The following INO80C variants were observed in gnomAD, a reference collection of about 807,000 sequenced individuals.
The protein encoded by INO80C is IES6 homolog.
Under a neutral mutation model 17.7 loss-of-function variants are expected in INO80C, and 17 were observed. That is an observed-to-expected ratio of 0.96 (90% confidence interval 0.66 to 1.44). INO80C has a LOEUF of 1.44. Among genes scored for constraint, INO80C ranks in the 40% most tolerant of loss-of-function variants. The pLI is 0.00. For synonymous variants in INO80C, 96 were observed against 95.8 expected (o/e 1.00, Z -0.01); for missense variants, 244 against 245.0 (o/e 1.00, Z 0.03).
Position 35,480,482 on chromosome 18 carries a change from G to A in INO80C, c.238C>T (p.Pro80Ser). The change falls in exon 2 of 5, where the codon CCT becomes TCT. Residue 80 changes from proline to serine, a missense_variant. Transcript: ENST00000334598. Reference sequence around the variant, plus strand: ...AAGTTGGGATCCTTAAATGGCAAAGGTTTGGCAGCTTTTTCCACAGGTCCT... The same window carrying A: ...AAGTTGGGATCCTTAAATGGCAAAGATTTGGCAGCTTTTTCCACAGGTCCT... ...STGPVEKAAK[P>S]LPFKDPNFVH... 1 of 1,613,876 alleles carries A rather than the reference G, an allele frequency of 6.2e-7. No individual in the cohort carries two copies. The highest frequency in any genetic ancestry group is 8.5e-7 in the Non-Finnish European group (1 of 1,179,736).
Position 35,497,906 on chromosome 18 carries a change from C to T in INO80C, c.-32G>A. On this transcript the variant is annotated 5_prime_UTR_variant, in exon 1 of 5. Coordinates refer to ENST00000334598, the MANE Select transcript of INO80C (RefSeq NM_194281.4). ...CCGAGTCTTCCCCTGGTCCCCCCAC[C>T]TTTTTCCCAGCGCGGGCCTTGGAAC... is the stretch of plus-strand genomic sequence containing the variant. 4.0e-6 allele frequency: 6 copies of T among 1,500,920 alleles called. No homozygotes were observed. The highest frequency in any genetic ancestry group is 5.3e-6 in the Non-Finnish European group (6 of 1,124,314). 93.0% of individuals were successfully genotyped at this position (1,500,920 alleles called of 1,614,324 possible).
At chr18:35,471,576 T>C (rs1192789051) in intron 4 of INO80C, among the ~76,000 whole-genome samples, 1 of 152,238 alleles carries the variant, frequency 6.6e-6, no homozygotes, top group Non-Finnish European at 1.5e-5. Context: ...CATTTCTGCA[T>C]GAAGTTCTTT....
intron 1 of INO80C, chr18:35,483,459 A>C (rs1055082434): frequency 3.3e-5 from 5 of 152,330 alleles, no homozygotes; most frequent in African/African-American, 4.8e-5. Context: ...AGGGAACAAC[A>C]GATCAGAAGA....
Position 35,478,334 on chromosome 18 carries a change from G to T in INO80C, c.395C>A (p.Ala132Asp). The change falls in exon 4 of 5, where the codon GCT (alanine) becomes GAT (aspartate). Residue 132 changes from alanine (A) to aspartate (D), a missense_variant. Ala to Asp is a moderately radical substitution (Grantham distance 126). Transcript: ENST00000334598. ...CTTAGCTGGCTTAAAGGATGGAGGA[G>T]CATCAATACTGAAGTCTGGGAAAAA... ...LNDPNYFSID[A>D]PPSFKPAKKY... The T allele has an allele frequency of 6.3e-7, 1 of 1,586,886 alleles. No homozygotes were observed. Among genetic ancestry groups the T allele is most frequent in the Non-Finnish European group, 8.6e-7 (1 of 1,164,796 alleles).
intron 1 of INO80C, chr18:35,489,129 C>A: frequency 5.8e-6 from 1 of 171,382 alleles, no homozygotes; most frequent in Non-Finnish European, 1.2e-5. Flanking sequence ...ATTTTCCTGT[C>A]TTCTTCTGAG....
chr18:35,491,992 C>CCTGCT (rs2045937744), intron 1 of INO80C, among the ~76,000 whole-genome samples: 1 of 152,180 alleles, frequency 6.6e-6, no homozygotes, highest in African/African-American at 2.4e-5. Context: ...TGGGTCTCGC[C>CCTGCT]CTGCTCTGCT....
At chr18:35,483,850 G>C (rs1395635450) in intron 1 of INO80C, among the ~76,000 whole-genome samples, 3 of 152,164 alleles carry the variant, frequency 2.0e-5, no homozygotes, top group Non-Finnish European at 4.4e-5. Flanking sequence ...AAATAGAAGA[G>C]AGTAAATCTT....
intron 1 of INO80C, chr18:35,483,388 G>C (rs2045837131): frequency 6.6e-6 from 1 of 152,052 alleles, no homozygotes; most frequent in Non-Finnish European, 1.5e-5. Context: ...GTAACATCTA[G>C]TATATATTGT....
At position 35,468,555 on chromosome 18, in the gene INO80C, A is replaced by T. The variant is rs957549164; in HGVS notation, c.*56T>A. On this transcript the variant is annotated 3_prime_UTR_variant, in exon 5 of 5. Transcript: ENST00000334598. ...GAGTTTGTTTCCGTGAAACAAAATCATGAGTCCAGAGTCTGTTTTTGAAAC... is the reference window on the plus strand; with the variant it reads ...GAGTTTGTTTCCGTGAAACAAAATCTTGAGTCCAGAGTCTGTTTTTGAAAC... 1.1e-4 allele frequency: 172 copies of T among 1,607,100 alleles called. No individual in the cohort carries two copies. The African/African-American group carries it at 2.1e-3, about 20-fold the overall frequency.
chr18:35,493,948 T>A (rs143667829), intron 1 of INO80C, among the ~76,000 whole-genome samples: 1 of 152,314 alleles, frequency 6.6e-6, no homozygotes, highest in East Asian at 1.9e-4. Context: ...CAATCATTTA[T>A]AGAAAAACAC....
In INO80C at chr18:35,476,082, T is replaced by C. The variant is rs146114638; in HGVS notation, c.447+2200A>G. Reference sequence around the variant, plus strand: ...ATAGATTCAGGTTATTTAAAATGTATATTGTAAACATGAAAGTAACCATTC... The same window carrying C: ...ATAGATTCAGGTTATTTAAAATGTACATTGTAAACATGAAAGTAACCATTC... On this transcript the variant is annotated intron_variant, in intron 4 of 4. Coordinates refer to ENST00000334598, the MANE Select transcript of INO80C (RefSeq NM_194281.4). Among the ~76,000 whole-genome samples, 391 of 152,360 alleles carry C rather than the reference T, an allele frequency of 2.6e-3. 1 individual carries two copies. Among genetic ancestry groups the C allele is most frequent in the African/African-American group, 8.7e-3 (363 of 41,586 alleles).
chr18:35,485,228 C>T (rs1555637534), intron 1 of INO80C, among the ~76,000 whole-genome samples: 1 of 152,028 alleles, frequency 6.6e-6, no homozygotes, highest in Non-Finnish European at 1.5e-5. Context: ...TCCATAACAG[C>T]ACCCAAAAAA....
intron 1 of INO80C, among the ~76,000 whole-genome samples, chr18:35,492,919 G>A (rs913680690): frequency 6.6e-6 from 1 of 152,194 alleles, no homozygotes; most frequent in African/African-American, 2.4e-5. Flanking sequence ...CAGTAAAACT[G>A]TTGCCAAAAG....
chr18:35,497,655 G>C, intron 1 of INO80C, 64 bp downstream of exon 1: 1 of 1,552,142 alleles, frequency 6.4e-7, no homozygotes, highest in East Asian at 2.4e-5. Flanking sequence ...GCCCTGGCTC[G>C]GCTCCGCCCC....
At position 35,478,268 on chromosome 18, in the gene INO80C, A is replaced by C; in HGVS notation, c.447+14T>G. On this transcript the variant is annotated intron_variant, in intron 4 of 4. Transcript: ENST00000334598. ...TTTTCCATTTAATGTTATAAGAGAT[A>C]TAATCATACTCACAAGCAGACCTGA... 1 of 1,551,862 alleles carries C rather than the reference A, an allele frequency of 6.4e-7. No individual in the cohort carries two copies. The highest frequency in any genetic ancestry group is 2.2e-5 in the East Asian group (1 of 44,538).
intron 1 of INO80C, chr18:35,497,511 C>A: frequency 7.3e-7 from 1 of 1,371,540 alleles, no homozygotes; most frequent in Non-Finnish European, 9.4e-7. Context: ...CCTACTTCTT[C>A]TTCTCTCCTT....
chr18:35,475,733 T>A (rs1314442470), intron 4 of INO80C, among the ~76,000 whole-genome samples: 1 of 151,836 alleles, frequency 6.6e-6, no homozygotes, highest in East Asian at 1.9e-4. Flanking sequence ...AGAAAGGACT[T>A]CGTTAGTAGC....
intron 1 of INO80C, among the ~76,000 whole-genome samples, chr18:35,490,621 C>T (rs927304010): frequency 1.3e-5 from 2 of 152,212 alleles, no homozygotes; most frequent in African/African-American, 4.8e-5. Flanking sequence ...AGGGAAAATG[C>T]AGTCCCCAAA....
At chr18:35,478,233 C>T in intron 4 of INO80C, 49 bp downstream of exon 4, 1 of 1,328,854 alleles carries the variant, frequency 7.5e-7, no homozygotes, top group Non-Finnish European at 1.1e-6. Context: ...TTAGACATTA[C>T]TGTGAAATCT....
Sources: allele counts gnomAD v4.1 joint callset (sites outside exome capture counted in the v4.1 genomes callset), GRCh38; gene constraint gnomAD v4.1.1; transcripts MANE v1.5; gene names NCBI Gene and HGNC (gene_info 2026-07-23, HGNC 2026-07-21).